Variants in PPCDC observed in about 807,000 individuals in gnomAD.
PPCDC encodes phosphopantothenoylcysteine decarboxylase.
In PPCDC, 20 loss-of-function variants were observed where a neutral mutation model predicts 20.7. The ratio of observed to expected loss-of-function variants is 0.97; its 90% CI spans 0.68 to 1.41. The LOEUF (loss-of-function observed/expected upper bound fraction) is 1.41. Ranked by LOEUF, PPCDC falls within the 40% of genes most tolerant of loss-of-function variation. The pLI is 0.00. For missense variants in PPCDC, 246 were observed against 263.8 expected (o/e 0.93, Z 0.47); for synonymous variants, 88 against 100.3 (o/e 0.88, Z 0.73).
intron 2 of PPCDC, among the ~76,000 whole-genome samples, chr15:75,037,172 A>G (rs2066095577): frequency 6.6e-6 from 1 of 152,200 alleles, no homozygotes; most frequent in South Asian, 2.1e-4. Flanking sequence ...CTTAGAAATG[A>G]AAGATGGTGG....
intron 4 of PPCDC, among the ~76,000 whole-genome samples, chr15:75,045,508 T>A (rs2066220386): frequency 6.6e-6 from 1 of 152,158 alleles, no homozygotes; most frequent in Non-Finnish European, 1.5e-5. Context: ...CTGGGAGTTT[T>A]TCAGAGTTTC....
intron 3 of PPCDC, among the ~76,000 whole-genome samples, chr15:75,044,113 C>T (rs938152830): frequency 1.3e-5 from 2 of 149,022 alleles, no homozygotes; most frequent in African/African-American, 4.9e-5. Flanking sequence ...GCAGACAGGC[C>T]GGGAGCTCCC....
chr15:75,049,793 G>GGT lies in PPCDC; in HGVS notation c.*561_*562dup, dbSNP rs1248083205. 1 of 153,218 alleles carries GGT rather than the reference G, an allele frequency of 6.5e-6. No individual in the cohort carries two copies. 9.5% of individuals were successfully genotyped at this position (153,218 alleles called of 1,614,324 possible). A position where few individuals can be genotyped will look rare whatever the true frequency, so the allele number is the denominator to read the frequency against. On this transcript the variant is annotated 3_prime_UTR_variant, in exon 6 of 6. Transcript: ENST00000342932. ...CCAGCTGTGGTCCCAGAGATCAGGG[G>GGT]GTGTTGCCAGGTGTGGCTGGGGAAG...
rs74023915 is a variant in PPCDC, at chr15:75,044,057, C to T, written c.232-329C>T. On this transcript the variant is annotated intron_variant, in intron 3 of 5. Coordinates refer to ENST00000342932, the MANE Select transcript of PPCDC (RefSeq NM_021823.5). ...CCCCCACCCCCTCCATTTCTCACTG[C>T]CCCGGAGCTTTCCACTGGCTTGGAC... Among the ~76,000 whole-genome samples, 2,246 of 135,328 alleles carry T rather than the reference C, an allele frequency of 0.017. 124 individuals carry two copies. In the East Asian group the frequency reaches 0.21, roughly 13 times the overall value. 88.8% of individuals were successfully genotyped at this position (135,328 alleles called of 152,430 possible).
At chr15:75,031,865 TG>T in intron 2 of PPCDC, among the ~76,000 whole-genome samples, 1 of 151,846 alleles carries the variant, frequency 6.6e-6, no homozygotes, top group East Asian at 1.9e-4. Flanking sequence ...TTGGGGCTTC[TG>T]GGGGTGGTGG....
chr15:75,029,693 C>A (rs1353631900), intron 2 of PPCDC, among the ~76,000 whole-genome samples: 1 of 152,150 alleles, frequency 6.6e-6, no homozygotes, highest in African/African-American at 2.4e-5. Context: ...ACTTTTAGGG[C>A]AGTGCTGCTT....
At chr15:75,048,847 G>A in intron 5 of PPCDC, 126 bp downstream of exon 5, 1 of 1,279,708 alleles carries the variant, frequency 7.8e-7, no homozygotes, top group South Asian at 1.5e-5. Flanking sequence ...AGCTTTCTCA[G>A]CTGGAAAATG....
chr15:75,028,465 C>T lies in PPCDC; in HGVS notation c.135+12C>T, dbSNP rs577702108. 3.7e-6 allele frequency: 6 copies of T among 1,614,154 alleles called. No homozygotes were observed. In the African/African-American group the frequency reaches 6.7e-5, roughly 18 times the overall value. On this transcript the variant is annotated intron_variant, in intron 2 of 5. Transcript: ENST00000342932. ...TGGACATTCCTGGGGTGAGTATCCT[C>T]ACCAGATAAGCATGGCAGCCTCCGG...
chr15:75,034,244 C>T (rs953272350), intron 2 of PPCDC, among the ~76,000 whole-genome samples: 2 of 152,146 alleles, frequency 1.3e-5, no homozygotes, highest in South Asian at 4.1e-4. Context: ...AATTGAAGAG[C>T]TCAGACCTGG....
chr15:75,033,853 T>A (rs1255404739), intron 2 of PPCDC, among the ~76,000 whole-genome samples: 1 of 152,198 alleles, frequency 6.6e-6, no homozygotes, highest in African/African-American at 2.4e-5. Context: ...CTTCCCTGAT[T>A]GCCCAGAACA....
intron 2 of PPCDC, among the ~76,000 whole-genome samples, chr15:75,029,067 G>A (rs553411558): frequency 6.6e-6 from 1 of 152,288 alleles, no homozygotes; most frequent in African/African-American, 2.4e-5. Flanking sequence ...GGGTTCTGGT[G>A]CAGAAGTTCA....
intron 4 of PPCDC, 193 bp downstream of exon 4, chr15:75,044,707 G>A (rs1368060089): frequency 1.4e-6 from 1 of 725,188 alleles, no homozygotes; most frequent in African/African-American, 1.8e-5. Flanking sequence ...CCCTGGTCCT[G>A]ATGGGTCAGT....
intron 4 of PPCDC, among the ~76,000 whole-genome samples, chr15:75,047,404 TG>T (rs929044252): frequency 8.5e-5 from 13 of 152,276 alleles, no homozygotes; most frequent in African/African-American, 3.1e-4. Flanking sequence ...CCCTGGGACT[TG>T]GGGGAGGTGC....
At chr15:75,028,528 C>A (rs1298656357) in intron 2 of PPCDC, 75 bp downstream of exon 2, 3 of 1,569,876 alleles carry the variant, frequency 1.9e-6, no homozygotes, top group Middle Eastern at 1.9e-4. Context: ...GCCCATTGCT[C>A]TGCAGTACAT....
At chr15:75,030,972 TA>T (rs1250738728) in intron 2 of PPCDC, among the ~76,000 whole-genome samples, 1 of 150,978 alleles carries the variant, frequency 6.6e-6, no homozygotes, top group Non-Finnish European at 1.5e-5. Flanking sequence ...TCAGGGAGAG[TA>T]GTCACTAGCA....
chr15:75,047,268 G>T (rs985068043), intron 4 of PPCDC, among the ~76,000 whole-genome samples: 1 of 152,218 alleles, frequency 6.6e-6, no homozygotes, highest in East Asian at 1.9e-4. Flanking sequence ...CCAAGAGGAA[G>T]TGTGACTGAA....
At chr15:75,028,856 T>TGTGTTCTCCCTCCTC (rs1330456889) in intron 2 of PPCDC, among the ~76,000 whole-genome samples, 1 of 152,176 alleles carries the variant, frequency 6.6e-6, no homozygotes, top group African/African-American at 2.4e-5. Flanking sequence ...ACACTGCGGC[T>TGTGTTCTCCCTCCTC]GTGTTCTCCC....
chr15:75,039,361 G>A (rs919805109), intron 2 of PPCDC, among the ~76,000 whole-genome samples: 1 of 152,210 alleles, frequency 6.6e-6, no homozygotes, highest in Non-Finnish European at 1.5e-5. Flanking sequence ...AGTAGGGGAA[G>A]CAGGCTTGGG....
intron 2 of PPCDC, among the ~76,000 whole-genome samples, chr15:75,036,837 G>C (rs531522203): frequency 6.3e-4 from 96 of 151,856 alleles, no homozygotes; most frequent in Middle Eastern, 3.4e-3. Context: ...ATGATTGATT[G>C]ATTATTTTTT....
Sources: gnomAD v4.1 joint callset for allele counts (sites outside exome capture counted in the v4.1 genomes callset) on GRCh38, gnomAD v4.1.1 for gene constraint, MANE v1.5 for transcripts, NCBI Gene and HGNC (gene_info 2026-07-23, HGNC 2026-07-21) for gene names.